ROBO1: variants seen among roughly 807,000 people sequenced by gnomAD.
ROBO1 encodes roundabout homolog 1.
In ROBO1, 149 loss-of-function variants were observed where a neutral mutation model predicts 195.9. That is an observed-to-expected ratio of 0.76 (90% CI 0.67 to 0.87). ROBO1 has a LOEUF of 0.87. Among genes scored for constraint, ROBO1 ranks in the 40% least tolerant of loss-of-function variants. The pLI is 0.00. For missense variants in ROBO1, 1,933 were observed against 2,068.3 expected (o/e 0.93, Z 1.27); for synonymous variants, 816 against 733.2 (o/e 1.11, Z -1.82).
At chr3:79,749,599 T>A (rs1704038221) in intron 1 of ROBO1, among the ~76,000 whole-genome samples, 1 of 152,290 alleles carries the variant, frequency 6.6e-6, no homozygotes, top group East Asian at 1.9e-4. Flanking sequence ...CCTACTCTGT[T>A]CAGCCTAGGG....
chr3:78,936,175 GA>G (rs2039796268), intron 4 of ROBO1, among the ~76,000 whole-genome samples: 1 of 151,682 alleles, frequency 6.6e-6, no homozygotes, highest in Non-Finnish European at 1.5e-5. Flanking sequence ...TTTCTATACA[GA>G]AATAAAGGTT....
chr3:79,364,629 G>A (rs906063209), intron 2 of ROBO1, among the ~76,000 whole-genome samples: 6 of 152,022 alleles, frequency 3.9e-5, no homozygotes, highest in African/African-American at 1.4e-4. Flanking sequence ...AGGTGACAAT[G>A]TGAAGCAGCT....
chr3:78,739,981 C>G (rs927044271), intron 5 of ROBO1, among the ~76,000 whole-genome samples: 1 of 152,048 alleles, frequency 6.6e-6, no homozygotes, highest in African/African-American at 2.4e-5. Context: ...TGCAAGTGCC[C>G]CCTTGGTTGC....
chr3:79,281,809 C>A (rs1302616153), intron 2 of ROBO1, among the ~76,000 whole-genome samples: 1 of 152,042 alleles, frequency 6.6e-6, no homozygotes, highest in Non-Finnish European at 1.5e-5. Flanking sequence ...GGCAACCAAG[C>A]CTCAGAAATA....
intron 1 of ROBO1, among the ~76,000 whole-genome samples, chr3:79,626,453 A>T (rs1268909407): frequency 6.6e-6 from 1 of 151,916 alleles, no homozygotes; most frequent in East Asian, 1.9e-4. Flanking sequence ...AACAAAAACA[A>T]AAACAAAAAA....
At chr3:79,346,733 C>T (rs2035134003) in intron 2 of ROBO1, among the ~76,000 whole-genome samples, 2 of 151,856 alleles carry the variant, frequency 1.3e-5, no homozygotes, top group African/African-American at 4.8e-5. Context: ...CTTAGGAGAG[C>T]TTCACAAATT....
At chr3:79,211,733 T>C (rs1315357903) in intron 2 of ROBO1, among the ~76,000 whole-genome samples, 1 of 151,744 alleles carries the variant, frequency 6.6e-6, no homozygotes, top group African/African-American at 2.4e-5. Flanking sequence ...CTATTCTGTT[T>C]GGTTCTGGAT....
At chr3:78,674,442 C>G (rs956622282) in intron 10 of ROBO1, among the ~76,000 whole-genome samples, 4 of 152,276 alleles carry the variant, frequency 2.6e-5, no homozygotes, top group African/African-American at 9.6e-5. Flanking sequence ...TGCAATAATT[C>G]TAGTTTTACC....
intron 1 of ROBO1, among the ~76,000 whole-genome samples, chr3:79,638,471 A>G (rs1176997345): frequency 4.6e-5 from 7 of 152,072 alleles, no homozygotes; most frequent in Non-Finnish European, 1.5e-5. Context: ...GCTCACTGCA[A>G]CCTCTGCCAC....
chr3:78,949,658 A>T (rs2040661531), intron 3 of ROBO1, among the ~76,000 whole-genome samples: 1 of 152,076 alleles, frequency 6.6e-6, no homozygotes, highest in African/African-American at 2.4e-5. Flanking sequence ...AAAATTGACA[A>T]ATGGGATCTA....
intron 1 of ROBO1, among the ~76,000 whole-genome samples, chr3:79,647,595 G>A (rs1945869809): frequency 6.6e-6 from 1 of 151,650 alleles, no homozygotes; most frequent in Admixed American, 6.6e-5. Context: ...TAAGTAGAAG[G>A]CAGGATTGCT....
intron 2 of ROBO1, among the ~76,000 whole-genome samples, chr3:79,560,675 G>A (rs1047107681): frequency 6.6e-6 from 1 of 151,196 alleles, no homozygotes; most frequent in Non-Finnish European, 1.5e-5. Flanking sequence ...AGATCTCACA[G>A]GATTAGGCAT....
At position 78,677,354 on chromosome 3, in the gene ROBO1, C is replaced by T. The variant is rs570386124; in HGVS notation, c.1343-7053G>A. Among the ~76,000 whole-genome samples the T allele has an allele frequency of 6.7e-3, 1,018 of 152,192 alleles. 8 individuals carry two copies. The highest frequency in any genetic ancestry group is 0.023 in the African/African-American group (962 of 41,516). On this transcript the variant is annotated intron_variant, in intron 10 of 30. Coordinates refer to ENST00000464233, the MANE Select transcript of ROBO1 (RefSeq NM_002941.4). ...ACTTTAAATGTAAATGGACTAAATGCTCCAATTAAAAGACACAGACTGGCA... is the reference window on the plus strand; with the variant it reads ...ACTTTAAATGTAAATGGACTAAATGTTCCAATTAAAAGACACAGACTGGCA...
intron 1 of ROBO1, among the ~76,000 whole-genome samples, chr3:79,654,804 C>T (rs1222101737): frequency 4.0e-5 from 6 of 151,848 alleles, no homozygotes; most frequent in East Asian, 3.9e-4. Context: ...AAATCCTTTG[C>T]TTTCTTGGAT....
chr3:79,177,788 C>T (rs2081281632), intron 2 of ROBO1, among the ~76,000 whole-genome samples: 1 of 152,168 alleles, frequency 6.6e-6, no homozygotes, highest in South Asian at 2.1e-4. Flanking sequence ...AGGGTCCTCC[C>T]TGAATTACCT....
chr3:79,730,101 C>T (rs1560138640), intron 1 of ROBO1, among the ~76,000 whole-genome samples: 1 of 152,160 alleles, frequency 6.6e-6, no homozygotes, highest in South Asian at 2.1e-4. Context: ...TTTGTTTCTT[C>T]ATCTACTAGG....
At chr3:79,445,887 C>T (rs528807339) in intron 2 of ROBO1, among the ~76,000 whole-genome samples, 1 of 151,998 alleles carries the variant, frequency 6.6e-6, no homozygotes, top group African/African-American at 2.4e-5. Context: ...CTCCTGACCT[C>T]GTGATCTGCC....
At chr3:79,325,998 C>A (rs992071447) in intron 2 of ROBO1, among the ~76,000 whole-genome samples, 2 of 152,044 alleles carry the variant, frequency 1.3e-5, no homozygotes, top group African/African-American at 2.4e-5. Flanking sequence ...AGATGGCCCC[C>A]CTGGGTGTGG....
At chr3:78,904,962 C>A (rs2037814294) in intron 4 of ROBO1, among the ~76,000 whole-genome samples, 1 of 151,840 alleles carries the variant, frequency 6.6e-6, no homozygotes. Flanking sequence ...TACAAATAAA[C>A]CCAATTCTAT....
Sources: gnomAD v4.1 joint callset for allele counts (sites outside exome capture counted in the v4.1 genomes callset) on GRCh38, gnomAD v4.1.1 for gene constraint, MANE v1.5 for transcripts, NCBI Gene and HGNC (gene_info 2026-07-23, HGNC 2026-07-21) for gene names.